The following TENM3 variants were observed in gnomAD, a reference collection of about 807,000 sequenced individuals.
TENM3 encodes teneurin-3.
Under a neutral mutation model 255.1 loss-of-function variants are expected in TENM3, and 63 were observed. The observed-to-expected ratio is 0.25, with a 90% CI of 0.20 to 0.30. The LOEUF is 0.30. TENM3 is among the 10% of genes least tolerant of loss of function. The pLI, the probability that TENM3 is intolerant of heterozygous loss-of-function variation, is 1.00. For synonymous variants in TENM3, 1,306 were observed against 1,322.3 expected (o/e 0.99, Z 0.27); for missense variants, 2,929 against 3,461.1 (o/e 0.85, Z 3.86).
At chr4:182,259,255 G>C (rs930490308) in intron 1 of TENM3, among the ~76,000 whole-genome samples, 1 of 152,088 alleles carries the variant, frequency 6.6e-6, no homozygotes, top group Non-Finnish European at 1.5e-5. Flanking sequence ...AACACCTCAG[G>C]GAACAGCTTT....
chr4:181,542,012 A>G, the TENM3 span, among the ~76,000 whole-genome samples: 6 of 152,196 alleles, frequency 3.9e-5, no homozygotes, highest in Non-Finnish European at 8.8e-5. Context: ...GCTGAGTATC[A>G]ACGACATGGC....
chr4:182,684,466 C>T (rs368392801), intron 11 of TENM3, among the ~76,000 whole-genome samples: 19 of 69,750 alleles, frequency 2.7e-4, no homozygotes, highest in Admixed American at 1.7e-3. Context: ...TTTGGACTGG[C>T]CATTCACTGG....
intron 24 of TENM3, among the ~76,000 whole-genome samples, chr4:182,779,199 C>G (rs1193077271): frequency 6.6e-6 from 1 of 151,480 alleles, no homozygotes; most frequent in Admixed American, 6.6e-5. Flanking sequence ...CAATGCTATC[C>G]CTCCCCGCTC....
At chr4:182,655,954 T>A in intron 6 of TENM3, among the ~76,000 whole-genome samples, 1 of 152,324 alleles carries the variant, frequency 6.6e-6, no homozygotes, top group East Asian at 1.9e-4. Flanking sequence ...CAAACGCCAC[T>A]TGCAACCCAC....
chr4:182,025,878 A>G, the TENM3 span, among the ~76,000 whole-genome samples: 1 of 152,020 alleles, frequency 6.6e-6, no homozygotes, highest in East Asian at 1.9e-4. Context: ...CACAATGTGC[A>G]GGTTTGTTAC....
intron 1 of TENM3, among the ~76,000 whole-genome samples, chr4:182,276,819 T>C (rs1332439819): frequency 3.3e-5 from 5 of 152,242 alleles, no homozygotes; most frequent in African/African-American, 1.2e-4. Context: ...AGCTTTCCAC[T>C]TGGCAAACTT....
chr4:181,550,525 T>G, the TENM3 span, among the ~76,000 whole-genome samples: 325 of 152,288 alleles, frequency 2.1e-3, 1 homozygote, highest in African/African-American at 7.5e-3. Context: ...TTCTGAATGT[T>G]GCTTGTTGCT....
intron 7 of TENM3, among the ~76,000 whole-genome samples, chr4:182,674,798 A>G (rs1755526835): frequency 6.6e-6 from 1 of 150,594 alleles, no homozygotes; most frequent in Non-Finnish European, 1.5e-5. Flanking sequence ...CTGCTCTTGA[A>G]CTCCTGGGCT....
intron 3 of TENM3, chr4:182,449,180 G>C: frequency 5.9e-6 from 1 of 169,436 alleles, no homozygotes; most frequent in Non-Finnish European, 1.2e-5. Context: ...CGCTCGCTCC[G>C]GGGACCGCGG....
chr4:181,518,277 T>C, the TENM3 span, among the ~76,000 whole-genome samples: 6 of 152,038 alleles, frequency 3.9e-5, no homozygotes, highest in Non-Finnish European at 8.8e-5. Context: ...CACTAACAGA[T>C]ATGTAAACTG....
chr4:182,019,437 T>C, the TENM3 span, among the ~76,000 whole-genome samples: 3 of 152,194 alleles, frequency 2.0e-5, no homozygotes, highest in African/African-American at 7.2e-5. Context: ...TTGCTATATG[T>C]GTGATGTCTT....
chr4:182,281,566 G>A (rs1317202442), intron 1 of TENM3, among the ~76,000 whole-genome samples: 2 of 151,914 alleles, frequency 1.3e-5, no homozygotes, highest in Non-Finnish European at 2.9e-5. Context: ...TATTGCCCGG[G>A]CTGGTCTTGT....
chr4:181,782,211 G>A, the TENM3 span, among the ~76,000 whole-genome samples: 80 of 152,190 alleles, frequency 5.3e-4, no homozygotes, highest in Middle Eastern at 3.4e-3. Context: ...GTTCCTCCTC[G>A]TACCTCTGGT....
At chr4:181,755,562 C>T in the TENM3 span, among the ~76,000 whole-genome samples, 1 of 152,044 alleles carries the variant, frequency 6.6e-6, no homozygotes, top group South Asian at 2.1e-4. Flanking sequence ...TTGAAGTGAC[C>T]ATTCGGAAAT....
intron 5 of TENM3, among the ~76,000 whole-genome samples, chr4:182,647,125 G>T (rs749135117): frequency 6.6e-5 from 10 of 152,144 alleles, no homozygotes; most frequent in Non-Finnish European, 1.5e-4. Context: ...ACTTCATACC[G>T]TCTGGGTTAA....
intron 3 of TENM3, among the ~76,000 whole-genome samples, chr4:182,357,527 G>T (rs1765642795): frequency 6.7e-6 from 1 of 149,558 alleles, no homozygotes; most frequent in Non-Finnish European, 1.5e-5. Context: ...TTTGAGAAGT[G>T]TCTGTTCATG....
the TENM3 span, among the ~76,000 whole-genome samples, chr4:181,467,488 A>G: frequency 3.3e-5 from 5 of 152,062 alleles, no homozygotes; most frequent in East Asian, 1.9e-4. Flanking sequence ...TCACAAGCAT[A>G]TTATGACAGA....
chr4:182,068,573 T>C, the TENM3 span, among the ~76,000 whole-genome samples: 2 of 152,088 alleles, frequency 1.3e-5, no homozygotes, highest in African/African-American at 2.4e-5. Context: ...GCAAGAAATG[T>C]ATTATTTTTC....
chr4:182,025,156 G>A, the TENM3 span, among the ~76,000 whole-genome samples: 2 of 151,170 alleles, frequency 1.3e-5, no homozygotes, highest in Non-Finnish European at 2.9e-5. Context: ...AGCCTCCCCA[G>A]TAGCTGGGAC....
Sources: allele counts gnomAD v4.1 joint callset (sites outside exome capture counted in the v4.1 genomes callset), GRCh38; gene constraint gnomAD v4.1.1; transcripts MANE v1.5; gene names NCBI Gene and HGNC (gene_info 2026-07-23, HGNC 2026-07-21).